Variants in EEIG2 observed in about 807,000 individuals in gnomAD.
EEIG2 encodes family with sequence similarity 102 member B.
the EEIG2 span, chr1:108,635,383 T>C: frequency 2.9e-5 from 15 of 521,338 alleles, no homozygotes; most frequent in Non-Finnish European, 5.2e-5. Flanking sequence ...AGCACCTGGC[T>C]TCTGTGGTCA....
chr1:108,586,482 A>G, the EEIG2 span, among the ~76,000 whole-genome samples: 1 of 152,298 alleles, frequency 6.6e-6, no homozygotes, highest in South Asian at 2.1e-4. Context: ...ATTACAAATT[A>G]CTTTCAACAT....
At chr1:108,591,421 A>G in the EEIG2 span, among the ~76,000 whole-genome samples, 1 of 152,364 alleles carries the variant, frequency 6.6e-6, no homozygotes, top group Middle Eastern at 3.4e-3. Context: ...TGATGTTACA[A>G]AACGATAAAG....
At chr1:108,628,579 C>T in the EEIG2 span, 3 of 1,603,262 alleles carry the variant, frequency 1.9e-6, no homozygotes, top group African/African-American at 2.7e-5. Context: ...CAGAAAAACT[C>T]AGCAGGTATC....
chr1:108,571,542 G>A, the EEIG2 span, among the ~76,000 whole-genome samples: 5 of 152,156 alleles, frequency 3.3e-5, no homozygotes, highest in Non-Finnish European at 5.9e-5. Context: ...GATTTAGGGA[G>A]AATAGGTGAC....
At chr1:108,618,146 C>T in the EEIG2 span, among the ~76,000 whole-genome samples, 2 of 151,886 alleles carry the variant, frequency 1.3e-5, no homozygotes, top group African/African-American at 2.4e-5. Context: ...ATTTGAGTAC[C>T]AATAGTATTG....
chr1:108,620,460 G>A, the EEIG2 span, among the ~76,000 whole-genome samples: 3 of 152,100 alleles, frequency 2.0e-5, no homozygotes, highest in African/African-American at 7.2e-5. Flanking sequence ...TCTTGTAAAA[G>A]AATGAAATTC....
the EEIG2 span, among the ~76,000 whole-genome samples, chr1:108,576,531 G>A: frequency 2.0e-4 from 27 of 135,458 alleles, no homozygotes; most frequent in African/African-American, 7.0e-4. Flanking sequence ...CCACCTATGA[G>A]TGAGAATATG....
chr1:108,620,712 G>T, the EEIG2 span, among the ~76,000 whole-genome samples: 1 of 152,124 alleles, frequency 6.6e-6, no homozygotes. Context: ...ATATTTTTGA[G>T]TGAGGACATC....
At chr1:108,583,489 C>T in the EEIG2 span, among the ~76,000 whole-genome samples, 1 of 151,472 alleles carries the variant, frequency 6.6e-6, no homozygotes, top group African/African-American at 2.4e-5. Flanking sequence ...TAAGCATGTA[C>T]CATGTTACTA....
At chr1:108,572,703 C>T in the EEIG2 span, among the ~76,000 whole-genome samples, 1 of 152,122 alleles carries the variant, frequency 6.6e-6, no homozygotes, top group Non-Finnish European at 1.5e-5. Context: ...GCAACCTCCA[C>T]CTCCCAGGTT....
chr1:108,576,616 G>A, the EEIG2 span, among the ~76,000 whole-genome samples: 2 of 144,848 alleles, frequency 1.4e-5, no homozygotes, highest in South Asian at 4.6e-4. Flanking sequence ...TCCCTACAAA[G>A]GACATGAACT....
At chr1:108,563,241 T>C in the EEIG2 span, among the ~76,000 whole-genome samples, 1 of 152,182 alleles carries the variant, frequency 6.6e-6, no homozygotes, top group Non-Finnish European at 1.5e-5. Context: ...TATGCTAAAT[T>C]CCATCTGGAA....
At chr1:108,566,022 C>T in the EEIG2 span, among the ~76,000 whole-genome samples, 2 of 152,040 alleles carry the variant, frequency 1.3e-5, no homozygotes, top group Non-Finnish European at 2.9e-5. Context: ...TGACCACACT[C>T]CCCCACACAA....
At chr1:108,635,442 G>A in the EEIG2 span, 8 of 338,286 alleles carry the variant, frequency 2.4e-5, no homozygotes, top group Admixed American at 1.3e-4. Context: ...ACACCCCAGC[G>A]GAGAAAACAG....
the EEIG2 span, chr1:108,635,059 C>G: frequency 2.9e-5 from 47 of 1,608,022 alleles, no homozygotes; most frequent in Non-Finnish European, 3.6e-5. Flanking sequence ...GGAACAGTTT[C>G]AAACACTGCA....
the EEIG2 span, chr1:108,606,095 A>G: frequency 1.2e-5 from 6 of 497,540 alleles, no homozygotes; most frequent in Non-Finnish European, 2.0e-5. Context: ...TGGATTTAAG[A>G]TCGTCAGAAT....
the EEIG2 span, among the ~76,000 whole-genome samples, chr1:108,598,444 G>T: frequency 2.0e-5 from 3 of 149,960 alleles, no homozygotes; most frequent in Non-Finnish European, 4.4e-5. Context: ...GTTAGCAACT[G>T]CCCTCCTTAC....
At chr1:108,633,215 A>G in the EEIG2 span, among the ~76,000 whole-genome samples, 10 of 152,336 alleles carry the variant, frequency 6.6e-5, no homozygotes, top group Admixed American at 4.6e-4. Flanking sequence ...TTCTTTGCCT[A>G]TAAAATGAGA....
the EEIG2 span, among the ~76,000 whole-genome samples, chr1:108,633,552 C>G: frequency 5.5e-4 from 84 of 152,346 alleles, no homozygotes; most frequent in African/African-American, 2.0e-3. Flanking sequence ...ATGCACCTGC[C>G]TGCTTTCCTT....
Sources: allele counts gnomAD v4.1 joint callset (sites outside exome capture counted in the v4.1 genomes callset), GRCh38; gene constraint gnomAD v4.1.1; transcripts MANE v1.5; gene names NCBI Gene and HGNC (gene_info 2026-07-23, HGNC 2026-07-21).